KIF16B: variants seen among roughly 807,000 people sequenced by gnomAD.
KIF16B encodes the protein kinesin-like protein KIF16B.
KIF16B carries 98 observed loss-of-function variants against 156.3 expected under a neutral mutation model. The observed-to-expected ratio is 0.63, with a 90% confidence interval of 0.53 to 0.74. KIF16B has a LOEUF of 0.74. Ranked by LOEUF, KIF16B falls within the 30% of genes least tolerant of loss-of-function variation. KIF16B has a pLI of 0.00. For missense variants in KIF16B, 1,421 were observed against 1,606.5 expected, an observed-to-expected ratio of 0.88 and a Z score of 1.97; for synonymous variants, 564 against 583.7, an observed-to-expected ratio of 0.97 and a Z score of 0.49.
Position 16,479,260 on chromosome 20 carries a change from A to C in KIF16B, c.1302+15031T>G, listed in dbSNP as rs143208577. 2.5e-4 allele frequency among the ~76,000 whole-genome samples: 38 copies of C among 152,334 alleles called. No homozygotes were observed. In the East Asian group the frequency reaches 6.2e-3, roughly 25 times the overall value. ...CTCAACAAACTAATGCAGGAACAGAAAACCAAATACTGCATGTTCTCACTT... is the reference window on the plus strand; with the variant it reads ...CTCAACAAACTAATGCAGGAACAGACAACCAAATACTGCATGTTCTCACTT... On this transcript the variant is annotated intron_variant, in intron 12 of 25. Coordinates refer to ENST00000354981, the MANE Select transcript of KIF16B (RefSeq NM_024704.5).
chr20:16,357,548 T>C (rs1386453172), intron 22 of KIF16B, among the ~76,000 whole-genome samples: 1 of 152,222 alleles, frequency 6.6e-6, no homozygotes, highest in Non-Finnish European at 1.5e-5. Context: ...GGTTTTAAGA[T>C]GCTGAGAATT....
intron 17 of KIF16B, among the ~76,000 whole-genome samples, chr20:16,385,125 A>C (rs1044499573): frequency 7.3e-5 from 11 of 151,540 alleles, no homozygotes; most frequent in South Asian, 2.1e-4. Flanking sequence ...TGAACCCAGG[A>C]GGTGGAGGTT....
intron 12 of KIF16B, among the ~76,000 whole-genome samples, chr20:16,440,445 A>C (rs2066760365): frequency 6.6e-6 from 1 of 152,084 alleles, no homozygotes; most frequent in South Asian, 2.1e-4. Context: ...GTCACTGAAA[A>C]TGAACTAAAA....
intron 18 of KIF16B, among the ~76,000 whole-genome samples, chr20:16,381,205 C>A (rs184157636): frequency 1.3e-5 from 2 of 152,068 alleles, no homozygotes; most frequent in Non-Finnish European, 2.9e-5. Context: ...CCCTGCCCCC[C>A]CATACACAAA....
chr20:16,529,053 G>A (rs369710494), intron 1 of KIF16B, among the ~76,000 whole-genome samples: 3 of 152,234 alleles, frequency 2.0e-5, no homozygotes, highest in Admixed American at 6.5e-5. Flanking sequence ...CTGTTATGGC[G>A]TGGCCACTGG....
intron 23 of KIF16B, 30 bp downstream of exon 23, chr20:16,356,300 A>G (rs1233217381): frequency 6.2e-7 from 1 of 1,613,778 alleles, no homozygotes; most frequent in Non-Finnish European, 8.5e-7. Context: ...TCCAACCTCC[A>G]TTCTCCAGAA....
In KIF16B at chr20:16,273,292, C is replaced by T; in HGVS notation, c.3915G>A (p.Lys1305=). ...HTICEFSPFF[K]KGVFDYSSHG... ...GGCTGCTGTAGTCAAAGACTCCTTTCTTGAAGAATGGTGAAAACTCACAAA... is the reference window on the plus strand; with the variant it reads ...GGCTGCTGTAGTCAAAGACTCCTTTTTTGAAGAATGGTGAAAACTCACAAA... Residue 1305 remains lysine, a synonymous_variant, in exon 26 of 26, where the codon AAG becomes AAA. Transcript: ENST00000354981. The T allele has an allele frequency of 6.2e-7, 1 of 1,614,094 alleles. No individual in the cohort carries two copies. Among genetic ancestry groups the T allele is most frequent in the East Asian group, 2.2e-5 (1 of 44,866 alleles).
Position 16,273,319 on chromosome 20 carries a change from G to A in KIF16B, c.3888C>T (p.Thr1296=). 1 of 1,613,600 alleles carries A rather than the reference G, an allele frequency of 6.2e-7. No individual in the cohort carries two copies. Among genetic ancestry groups the A allele is most frequent in the Non-Finnish European group, 8.5e-7 (1 of 1,179,510 alleles). ...TGAAGAATGGTGAAAACTCACAAAT[G>A]GTATGTTTCGAGAGAGTCAGTCCCA... ...NKVGLTLSKH[T]ICEFSPFFKK... is the part of the protein sequence containing the mutation. Residue 1296 remains threonine (T), a synonymous_variant, in exon 26 of 26, where the codon ACC becomes ACT. Coordinates refer to ENST00000354981, the MANE Select transcript of KIF16B (RefSeq NM_024704.5).
chr20:16,286,559 C>CCA (rs1157604597), intron 25 of KIF16B, among the ~76,000 whole-genome samples: 3 of 152,224 alleles, frequency 2.0e-5, no homozygotes, highest in African/African-American at 7.2e-5. Context: ...CCTTAAACAT[C>CCA]GTCATCTTTC....
At chr20:16,515,512 G>T in intron 4 of KIF16B, 36 bp downstream of exon 4, 1 of 1,098,088 alleles carries the variant, frequency 9.1e-7, no homozygotes. Context: ...GAAAGATAAT[G>T]AGAAATTTCC....
At chr20:16,281,584 A>G (rs1283996819) in intron 25 of KIF16B, among the ~76,000 whole-genome samples, 1 of 152,214 alleles carries the variant, frequency 6.6e-6, no homozygotes, top group African/African-American at 2.4e-5. Flanking sequence ...TAGGAATCCT[A>G]AAGTTTGGCT....
chr20:16,565,641 T>C (rs1431034085), intron 1 of KIF16B, among the ~76,000 whole-genome samples: 1 of 152,180 alleles, frequency 6.6e-6, no homozygotes, highest in East Asian at 1.9e-4. Context: ...AGAGACAGAA[T>C]TCACTTCCAC....
chr20:16,438,805 C>T (rs767227581), intron 12 of KIF16B, among the ~76,000 whole-genome samples: 17 of 152,042 alleles, frequency 1.1e-4, no homozygotes, highest in Non-Finnish European at 1.9e-4. Context: ...AGAGTGACGA[C>T]GTGAATAAAA....
intron 12 of KIF16B, among the ~76,000 whole-genome samples, chr20:16,494,086 C>A (rs1310699893): frequency 6.6e-6 from 1 of 151,988 alleles, no homozygotes; most frequent in Non-Finnish European, 1.5e-5. Context: ...CATATTAAAA[C>A]ACACAGCTAT....
intron 14 of KIF16B, among the ~76,000 whole-genome samples, chr20:16,428,157 C>A (rs111737911): frequency 0.075 from 11,377 of 152,214 alleles, 494 homozygotes; most frequent in South Asian, 0.15. Context: ...CTCTCAGTCT[C>A]ACAATAAATA....
intron 24 of KIF16B, among the ~76,000 whole-genome samples, chr20:16,322,517 T>C (rs1450565739): frequency 6.6e-6 from 1 of 152,068 alleles, no homozygotes; most frequent in Non-Finnish European, 1.5e-5. Flanking sequence ...GTATCATCCA[T>C]CTAGCAAGTT....
intron 23 of KIF16B, among the ~76,000 whole-genome samples, chr20:16,353,139 T>C (rs767141508): frequency 2.0e-5 from 3 of 152,230 alleles, no homozygotes; most frequent in Non-Finnish European, 4.4e-5. Flanking sequence ...CTGAAGAGAA[T>C]AGTCTCTTTT....
chr20:16,352,835 G>A (rs939566496), intron 23 of KIF16B, among the ~76,000 whole-genome samples: 7 of 152,214 alleles, frequency 4.6e-5, no homozygotes, highest in Non-Finnish European at 1.0e-4. Context: ...TCAACACCAA[G>A]TGGGCCCTGG....
Position 16,504,612 on chromosome 20 carries a change from G to T in KIF16B, c.1001-65C>A, listed in dbSNP as rs898324975. 10 of 1,464,600 alleles carry T rather than the reference G, an allele frequency of 6.8e-6. No homozygotes were observed. The African/African-American group carries it at 1.4e-4, about 20-fold the overall frequency. The allele number at this position is 1,464,600 out of a possible 1,614,324, so 90.7% of individuals were successfully genotyped here. The stretch of plus-strand genomic sequence containing the variant: ...CCATGTTCCATTTAACACAAAGTTG[G>T]TTTGTAATTTAAAAGTCAGATTAAC... On this transcript the variant is annotated intron_variant, in intron 9 of 25. Transcript: ENST00000354981.
Sources: gnomAD v4.1 joint callset for allele counts (sites outside exome capture counted in the v4.1 genomes callset) on GRCh38, gnomAD v4.1.1 for gene constraint, MANE v1.5 for transcripts, NCBI Gene and HGNC (gene_info 2026-07-23, HGNC 2026-07-21) for gene names.